Variants in PACRG observed in about 807,000 individuals in gnomAD.
PACRG encodes the protein parkin coregulated, also known as parkin coregulated gene protein.
In PACRG, 29 loss-of-function variants were observed where a neutral mutation model predicts 29.7. The observed-to-expected ratio is 0.98, with a 90% CI of 0.73 to 1.33. The LOEUF (loss-of-function observed/expected upper bound fraction) is 1.33. Among genes scored for constraint, PACRG ranks in the 40% most tolerant of loss-of-function variants. PACRG has a pLI of 0.00. For missense variants in PACRG, 279 were observed against 316.2 expected (o/e 0.88, Z 0.89); for synonymous variants, 116 against 118.7 (o/e 0.98, Z 0.15).
At chr6:162,996,253 G>A (rs1455248665) in intron 2 of PACRG, among the ~76,000 whole-genome samples, 1 of 152,122 alleles carries the variant, frequency 6.6e-6, no homozygotes, top group Non-Finnish European at 1.5e-5. Context: ...AAGACATTAA[G>A]CTGTATACCC....
At chr6:163,065,855 G>T (rs1811496322) in intron 3 of PACRG, among the ~76,000 whole-genome samples, 1 of 152,156 alleles carries the variant, frequency 6.6e-6, no homozygotes, top group South Asian at 2.1e-4. Context: ...AACTGCACAA[G>T]ATCAATTATA....
At chr6:162,949,294 T>TA (rs747129751) in intron 2 of PACRG, among the ~76,000 whole-genome samples, 2 of 152,072 alleles carry the variant, frequency 1.3e-5, no homozygotes, top group Non-Finnish European at 2.9e-5. Context: ...TGTGGGAGCT[T>TA]AAAAAATGTT....
At chr6:163,165,559 A>C (rs1239216698) in intron 4 of PACRG, 1 of 155,876 alleles carries the variant, frequency 6.4e-6, no homozygotes, top group Non-Finnish European at 1.4e-5. Context: ...CCCCTGTCTC[A>C]GGGGGAAAAA....
At chr6:162,782,218 T>C (rs1784145853) in intron 1 of PACRG, among the ~76,000 whole-genome samples, 1 of 151,844 alleles carries the variant, frequency 6.6e-6, no homozygotes, top group African/African-American at 2.4e-5. Flanking sequence ...GATGTAACAA[T>C]TCTAAATACT....
intron 2 of PACRG, among the ~76,000 whole-genome samples, chr6:162,952,921 T>G (rs566070542): frequency 3.8e-4 from 58 of 152,330 alleles, no homozygotes; most frequent in African/African-American, 1.3e-3. Flanking sequence ...ATATGTGAAT[T>G]TTTCTTGCTA....
intron 4 of PACRG, among the ~76,000 whole-genome samples, chr6:163,147,887 G>T (rs1462672605): frequency 6.6e-6 from 1 of 152,120 alleles, no homozygotes; most frequent in East Asian, 1.9e-4. Context: ...AACCAGAATA[G>T]AAATGGACTC....
intron 3 of PACRG, among the ~76,000 whole-genome samples, chr6:163,076,825 C>T (rs1812591856): frequency 6.6e-6 from 1 of 152,126 alleles, no homozygotes; most frequent in African/African-American, 2.4e-5. Flanking sequence ...CACCTCTCCA[C>T]TCCCTACCCT....
chr6:163,086,900 G>A (rs994996874), intron 3 of PACRG, among the ~76,000 whole-genome samples: 1 of 152,046 alleles, frequency 6.6e-6, no homozygotes, highest in South Asian at 2.1e-4. Flanking sequence ...ATAAAGTGGG[G>A]TATGATTCAT....
At chr6:163,101,205 T>C in intron 4 of PACRG, 1 of 983,406 alleles carries the variant, frequency 1.0e-6, no homozygotes, top group Non-Finnish European at 1.2e-6. Context: ...TTCTTGAAAG[T>C]ATCTTTGTCA....
At chr6:163,041,541 C>G (rs949544489) in intron 2 of PACRG, among the ~76,000 whole-genome samples, 2 of 152,128 alleles carry the variant, frequency 1.3e-5, no homozygotes, top group Non-Finnish European at 1.5e-5. Flanking sequence ...TCCCCTTAGC[C>G]TTCTGCCATG....
At chr6:163,166,533 T>A (rs1778821976) in intron 4 of PACRG, among the ~76,000 whole-genome samples, 1 of 152,206 alleles carries the variant, frequency 6.6e-6, no homozygotes, top group Non-Finnish European at 1.5e-5. Flanking sequence ...CAACAAAAGA[T>A]TTGAATTTGC....
At chr6:162,774,198 A>G (rs985725801) in intron 1 of PACRG, among the ~76,000 whole-genome samples, 4 of 152,096 alleles carry the variant, frequency 2.6e-5, no homozygotes, top group African/African-American at 9.7e-5. Context: ...AGATGGGCCC[A>G]CCCCACTCTC....
At position 163,089,107 on chromosome 6, in the gene PACRG, G is replaced by C. The variant is rs185177346; in HGVS notation, c.464-152G>C. On this transcript the variant is annotated intron_variant, in intron 3 of 4. Transcript: ENST00000366888. ...CCATTTAAAACATTAGGGTTGCAATGTGTCATCCAAAGCTATAATAATAAA... is the reference window on the plus strand; with the variant it reads ...CCATTTAAAACATTAGGGTTGCAATCTGTCATCCAAAGCTATAATAATAAA... 13 of 696,686 alleles carry C rather than the reference G, an allele frequency of 1.9e-5. No individual in the cohort carries two copies. The Admixed American group carries it at 2.8e-4, about 15-fold the overall frequency. 43.2% of individuals were successfully genotyped at this position (696,686 alleles called of 1,614,324 possible).
intron 4 of PACRG, among the ~76,000 whole-genome samples, chr6:163,255,277 G>T (rs1783062010): frequency 6.6e-6 from 1 of 152,218 alleles, no homozygotes; most frequent in African/African-American, 2.4e-5. Flanking sequence ...CCCAAGCCCA[G>T]GACCAGCCTG....
At chr6:163,208,358 T>A (rs1644635559) in intron 4 of PACRG, among the ~76,000 whole-genome samples, 1 of 152,024 alleles carries the variant, frequency 6.6e-6, no homozygotes, top group South Asian at 2.1e-4. Context: ...GCTAGTATAG[T>A]ATACAAATTA....
intron 4 of PACRG, among the ~76,000 whole-genome samples, chr6:163,214,843 G>A (rs62429973): frequency 0.16 from 23,993 of 151,960 alleles, 2,004 homozygotes; most frequent in African/African-American, 0.2. Flanking sequence ...TAGGATCCTC[G>A]TCTTATTCCA....
intron 2 of PACRG, among the ~76,000 whole-genome samples, chr6:162,888,067 G>A (rs927532288): frequency 2.0e-5 from 3 of 152,112 alleles, no homozygotes; most frequent in Non-Finnish European, 4.4e-5. Context: ...GGAGATGAAC[G>A]TCGTGTCCTC....
rs866727720 is a variant in PACRG at position 163,277,485 on chromosome 6, A to G, written c.614-37342A>G. ...TCTCATGGTGTGTGTGTATGTGTGT[A>G]TATATATATACACACATACACACAC... On this transcript the variant is annotated intron_variant, in intron 4 of 4. Coordinates refer to ENST00000366888, the MANE Select transcript of PACRG (RefSeq NM_001080379.2). Among the ~76,000 whole-genome samples the G allele has an allele frequency of 9.5e-5, 8 of 84,348 alleles. No homozygotes were observed. The South Asian group carries it at 1.9e-3, about 20-fold the overall frequency. The allele number at this position is 84,348 out of a possible 152,430, so 55.3% of individuals were successfully genotyped here.
chr6:163,200,976 C>T (rs146347671), intron 4 of PACRG, among the ~76,000 whole-genome samples: 1 of 152,220 alleles, frequency 6.6e-6, no homozygotes, highest in Non-Finnish European at 1.5e-5. Context: ...GTGGGATCCG[C>T]AGAACATGGG....
Sources: allele counts gnomAD v4.1 joint callset (sites outside exome capture counted in the v4.1 genomes callset), GRCh38; gene constraint gnomAD v4.1.1; transcripts MANE v1.5; gene names NCBI Gene and HGNC (gene_info 2026-07-23, HGNC 2026-07-21).